NLGN1: variants seen among roughly 807,000 people sequenced by gnomAD.
The protein encoded by NLGN1 is neuroligin 1, also known as neuroligin-1.
Under a neutral mutation model 65.5 loss-of-function variants are expected in NLGN1, and 12 were observed. The observed-to-expected ratio is 0.18, with a 90% CI of 0.12 to 0.30. The LOEUF is 0.30. Ranked by LOEUF, NLGN1 falls within the 10% of genes least tolerant of loss-of-function variation. The probability of loss-of-function intolerance (pLI) is 1.00; values close to 1 mark genes in which losing one functional copy is unlikely to be tolerated. For synonymous variants in NLGN1, 350 were observed against 359.5 expected (o/e 0.97, Z 0.30); for missense variants, 750 against 1,007.1 (o/e 0.74, Z 3.46).
At chr3:174,260,793 T>C (rs1746738079) in intron 4 of NLGN1, among the ~76,000 whole-genome samples, 1 of 150,940 alleles carries the variant, frequency 6.6e-6, no homozygotes, top group Non-Finnish European at 1.5e-5. Flanking sequence ...GCCTAGGTTT[T>C]CTTCTAGGGT....
chr3:174,079,527 A>G (rs1486737282), intron 4 of NLGN1, among the ~76,000 whole-genome samples: 1 of 152,216 alleles, frequency 6.6e-6, no homozygotes, highest in African/African-American at 2.4e-5. Context: ...TGACCCAGCA[A>G]TCCCGTTACT....
intron 3 of NLGN1, among the ~76,000 whole-genome samples, chr3:173,698,036 A>G (rs1766499946): frequency 2.0e-3 from 2 of 1,002 alleles, no homozygotes; most frequent in South Asian, 0.071. Flanking sequence ...AAAAAATGAA[A>G]AAAAAAAAAA....
intron 4 of NLGN1, among the ~76,000 whole-genome samples, chr3:174,203,837 A>G (rs1469560914): frequency 1.3e-5 from 2 of 152,162 alleles, no homozygotes; most frequent in South Asian, 2.1e-4. Context: ...ACTTAATCCA[A>G]TCATTCCTTA....
At chr3:174,048,792 G>A (rs1197548010) in intron 4 of NLGN1, among the ~76,000 whole-genome samples, 1 of 151,916 alleles carries the variant, frequency 6.6e-6, no homozygotes, top group Non-Finnish European at 1.5e-5. Context: ...AATAATAGGT[G>A]TGATAAAATA....
chr3:174,152,365 A>G (rs914780936), intron 4 of NLGN1, among the ~76,000 whole-genome samples: 1 of 152,144 alleles, frequency 6.6e-6, no homozygotes, highest in African/African-American at 2.4e-5. Context: ...GATGTTCTTA[A>G]TGTCAAAGAA....
At position 173,681,546 on chromosome 3, in the gene NLGN1, C is replaced by T. The variant is rs149484015; in HGVS notation, c.493+76455C>T. Among the ~76,000 whole-genome samples, 102 of 152,258 alleles carry T rather than the reference C, an allele frequency of 6.7e-4. No homozygotes were observed. In the East Asian group the frequency reaches 0.015, roughly 23 times the overall value. ...CCCTGGCTGATGTGCTTGAGGTTTG[C>T]AATTGTGTACTCCCTACCCCTCAGG... On this transcript the variant is annotated intron_variant, in intron 3 of 6. Transcript: ENST00000457714.
intron 4 of NLGN1, among the ~76,000 whole-genome samples, chr3:174,267,237 C>T (rs1748434002): frequency 6.6e-6 from 1 of 152,188 alleles, no homozygotes; most frequent in South Asian, 2.1e-4. Context: ...AGAAACATCA[C>T]AGCAGCATCT....
intron 2 of NLGN1, among the ~76,000 whole-genome samples, chr3:173,531,922 A>C (rs13316001): frequency 0.11 from 16,507 of 152,060 alleles, 1,641 homozygotes; most frequent in African/African-American, 0.27. Flanking sequence ...GTTTTCTCTT[A>C]TTAAGTTTCC....
At chr3:173,953,280 A>G (rs1748577071) in intron 4 of NLGN1, among the ~76,000 whole-genome samples, 1 of 152,218 alleles carries the variant, frequency 6.6e-6, no homozygotes, top group Non-Finnish European at 1.5e-5. Flanking sequence ...AATTCTTACC[A>G]AATCTTGTTA....
intron 4 of NLGN1, among the ~76,000 whole-genome samples, chr3:173,963,973 G>C (rs181699284): frequency 6.6e-6 from 1 of 152,238 alleles, no homozygotes; most frequent in East Asian, 1.9e-4. Context: ...TTTTATCAGA[G>C]AGACTACAAC....
intron 3 of NLGN1, among the ~76,000 whole-genome samples, chr3:173,743,815 T>G (rs1774988800): frequency 6.6e-6 from 1 of 152,060 alleles, no homozygotes; most frequent in Admixed American, 6.6e-5. Context: ...TCCATATAAT[T>G]GCTTTAACTG....
At chr3:173,740,406 G>A (rs544602028) in intron 3 of NLGN1, among the ~76,000 whole-genome samples, 40 of 152,126 alleles carry the variant, frequency 2.6e-4, no homozygotes, top group African/African-American at 9.6e-4. Flanking sequence ...GTAAAAGAAT[G>A]GACCATATTT....
At chr3:173,806,460 A>T (rs1248345997) in intron 3 of NLGN1, among the ~76,000 whole-genome samples, 1 of 152,166 alleles carries the variant, frequency 6.6e-6, no homozygotes, top group Non-Finnish European at 1.5e-5. Context: ...ACAAAAACAT[A>T]CTATTAAATT....
At chr3:174,129,996 G>A (rs987863948) in intron 4 of NLGN1, among the ~76,000 whole-genome samples, 2 of 152,234 alleles carry the variant, frequency 1.3e-5, no homozygotes, top group African/African-American at 4.8e-5. Context: ...TCTGTTGCTA[G>A]TTTGCAGAAT....
At chr3:173,889,709 A>G (rs933829198) in intron 4 of NLGN1, among the ~76,000 whole-genome samples, 1 of 152,150 alleles carries the variant, frequency 6.6e-6, no homozygotes, top group Admixed American at 6.6e-5. Flanking sequence ...AACGACCATG[A>G]TAGTTGTTTG....
chr3:174,290,644 AT>A (rs1191521831), downstream of NLGN1, among the ~76,000 whole-genome samples: 1 of 151,152 alleles, frequency 6.6e-6, no homozygotes, highest in Non-Finnish European at 1.5e-5. Flanking sequence ...GAAAGTAAGT[AT>A]TTGCAACACA....
In NLGN1 at chr3:174,185,815, A is replaced by AG. The variant is rs1306047749; in HGVS notation, c.647-89500_647-89499insG. Among the ~76,000 whole-genome samples, 4 of 151,786 alleles carry AG rather than the reference A, an allele frequency of 2.6e-5. No individual in the cohort carries two copies. In the East Asian group the frequency reaches 7.8e-4, roughly 30 times the overall value. Reference sequence around the variant, plus strand: ...CTAAAATAGAAATTAACCAAAAAAAAACAAAAACAAAAAACCTGTTGAAAT... The same window carrying AG: ...CTAAAATAGAAATTAACCAAAAAAAAGACAAAAACAAAAAACCTGTTGAAAT... On this transcript the variant is annotated intron_variant, in intron 4 of 6. Coordinates refer to ENST00000457714, the Ensembl canonical transcript of NLGN1.
intron 2 of NLGN1, among the ~76,000 whole-genome samples, chr3:173,504,631 C>T (rs1267137717): frequency 2.0e-5 from 3 of 151,998 alleles, no homozygotes; most frequent in Non-Finnish European, 4.4e-5. Context: ...CCAAGATTTC[C>T]ATGTCCTCTT....
chr3:173,729,614 CA>C (rs1419821209), intron 3 of NLGN1, among the ~76,000 whole-genome samples: 4 of 152,006 alleles, frequency 2.6e-5, no homozygotes, highest in Admixed American at 2.6e-4. Flanking sequence ...TGATGGAATG[CA>C]AATCTGCAAC....
Sources: gnomAD v4.1 joint callset for allele counts (sites outside exome capture counted in the v4.1 genomes callset) on GRCh38, gnomAD v4.1.1 for gene constraint, MANE v1.5 for transcripts, NCBI Gene and HGNC (gene_info 2026-07-23, HGNC 2026-07-21) for gene names.